The following REEP1 variants were observed in gnomAD, a reference collection of about 807,000 sequenced individuals.
REEP1 encodes receptor expression-enhancing protein 1.
A neutral mutation model predicts 40.3 loss-of-function variants in REEP1; 22 were observed. The ratio of observed to expected loss-of-function variants is 0.55; its 90% CI spans 0.39 to 0.78. The LOEUF (loss-of-function observed/expected upper bound fraction) is 0.78. Ranked by LOEUF, REEP1 falls within the 30% of genes least tolerant of loss-of-function variation. The pLI is 0.00. For synonymous variants in REEP1, 116 were observed against 139.2 expected (o/e 0.83, Z 1.17); for missense variants, 280 against 361.1 (o/e 0.78, Z 1.82).
At chr2:86,328,909 G>A (rs1344618424) in intron 1 of REEP1, among the ~76,000 whole-genome samples, 1 of 152,214 alleles carries the variant, frequency 6.6e-6, no homozygotes, top group Admixed American at 6.5e-5. Context: ...GCCGTCTGCA[G>A]ATGGCTGTTA....
intron 1 of REEP1, among the ~76,000 whole-genome samples, chr2:86,314,487 G>C (rs1679902695): frequency 6.6e-6 from 1 of 151,886 alleles, no homozygotes; most frequent in Non-Finnish European, 1.5e-5. Context: ...GCTGGGGTGA[G>C]CCAGCTAGGA....
intron 1 of REEP1, among the ~76,000 whole-genome samples, chr2:86,325,220 T>C (rs762188306): frequency 6.6e-6 from 1 of 152,156 alleles, no homozygotes; most frequent in Non-Finnish European, 1.5e-5. Flanking sequence ...TGTACTCCAA[T>C]CTGGGCAATA....
chr2:86,227,324 G>C, intron 7 of REEP1, 39 bp downstream of exon 7: 10 of 1,231,918 alleles, frequency 8.1e-6, no homozygotes, highest in Non-Finnish European at 1.0e-5. Flanking sequence ...TTCCGAGTGA[G>C]AGTCCAGCAC....
Position 86,227,498 on chromosome 2 carries a change from G to C in REEP1, c.596-100C>G, listed in dbSNP as rs929856906. The C allele has an allele frequency of 6.1e-5, 59 of 971,544 alleles. 1 individual carries two copies. The highest frequency in any genetic ancestry group is 7.9e-5 in the Non-Finnish European group (59 of 750,006). The allele number at this position is 971,544 out of a possible 1,614,324, so 60.2% of individuals were successfully genotyped here. On this transcript the variant is annotated intron_variant, in intron 6 of 8. Coordinates refer to ENST00000538924, the MANE Select transcript of REEP1 (RefSeq NM_001371279.1). The stretch of plus-strand genomic sequence containing the variant: ...GCCCTGGAGAGGTGTGGGGATCCCA[G>C]TGTGTACAATATAGGGATCCCAGGA...
At chr2:86,316,056 G>C (rs1256662159) in intron 1 of REEP1, among the ~76,000 whole-genome samples, 1 of 152,118 alleles carries the variant, frequency 6.6e-6, no homozygotes, top group East Asian at 1.9e-4. Context: ...TCTGAAACAG[G>C]CACCAACCAA....
rs1673989195 is a variant in REEP1 at position 86,214,229 on chromosome 2, C to T, written c.*2810G>A. 1 of 152,748 alleles carries T rather than the reference C, an allele frequency of 6.5e-6. No homozygotes were observed. Among genetic ancestry groups the T allele is most frequent in the Non-Finnish European group, 1.5e-5 (1 of 68,172 alleles). The allele number at this position is 152,748 out of a possible 1,614,324, so 9.5% of individuals were successfully genotyped here. On this transcript the variant is annotated 3_prime_UTR_variant, in exon 9 of 9. Coordinates refer to ENST00000538924, the MANE Select transcript of REEP1 (RefSeq NM_001371279.1). ...GTGTACACTGTTAGAGGATGAAGCA[C>T]ATCCTTTGCCATTTCAAATACTGTG...
chr2:86,237,482 G>A (rs13428304), intron 5 of REEP1, among the ~76,000 whole-genome samples: 6,327 of 152,162 alleles, frequency 0.042, 457 homozygotes, highest in African/African-American at 0.14. Flanking sequence ...GTGCTAATGC[G>A]TTCCTTTTTA....
chr2:86,232,161 G>A (rs1438610206), intron 6 of REEP1, among the ~76,000 whole-genome samples: 1 of 152,214 alleles, frequency 6.6e-6, no homozygotes, highest in Non-Finnish European at 1.5e-5. Flanking sequence ...AGCAGAGTGA[G>A]AGAGAGGACA....
At chr2:86,266,120 AG>A (rs1348686046) in intron 2 of REEP1, among the ~76,000 whole-genome samples, 1 of 152,214 alleles carries the variant, frequency 6.6e-6, no homozygotes, top group Non-Finnish European at 1.5e-5. Context: ...TTAGCAGACA[AG>A]GGCTTTAAAA....
chr2:86,277,085 C>T (rs1016805311), intron 2 of REEP1, among the ~76,000 whole-genome samples: 3 of 152,078 alleles, frequency 2.0e-5, no homozygotes, highest in Admixed American at 6.5e-5. Flanking sequence ...GGTGGCTTCA[C>T]GATACTCACG....
At chr2:86,337,993 A>G, upstream of REEP1, 2 of 1,530,388 alleles carry the variant, frequency 1.3e-6, no homozygotes, top group Non-Finnish European at 1.8e-6. The surrounding 1 kb of genome is among the most constrained non-coding windows in gnomAD (Gnocchi z 5.8). Flanking sequence ...TCCCTCATTC[A>G]GCTAGTGCGT....
Position 86,264,457 on chromosome 2 carries a change from A to T in REEP1, c.106-416T>A, listed in dbSNP as rs572604368. On this transcript the variant is annotated intron_variant, in intron 2 of 8. Coordinates refer to ENST00000538924, the MANE Select transcript of REEP1 (RefSeq NM_001371279.1). ...ATCTAGGAATTCTGATCTTCCTTTT[A>T]TCTCTCCCATGTGACCATCCTTTTC... Among the ~76,000 whole-genome samples, 33 of 145,038 alleles carry T rather than the reference A, an allele frequency of 2.3e-4. No homozygotes were observed. In the South Asian group the frequency reaches 3.8e-3, roughly 17 times the overall value.
chr2:86,328,109 C>G (rs1420965807), intron 1 of REEP1, among the ~76,000 whole-genome samples: 2 of 152,166 alleles, frequency 1.3e-5, no homozygotes, highest in African/African-American at 4.8e-5. Context: ...GATCCTGCAA[C>G]TCCCTCAGGA....
chr2:86,300,575 G>C (rs1186606332), intron 1 of REEP1, among the ~76,000 whole-genome samples: 1 of 152,200 alleles, frequency 6.6e-6, no homozygotes, highest in Non-Finnish European at 1.5e-5. Context: ...CACACAGAGA[G>C]AGTCGAGCAG....
chr2:86,320,358 C>T (rs1680222388), intron 1 of REEP1, among the ~76,000 whole-genome samples: 2 of 152,278 alleles, frequency 1.3e-5, no homozygotes, highest in South Asian at 2.1e-4. Context: ...TCCCTAGACA[C>T]CTAACCGAAG....
intron 8 of REEP1, 40 bp downstream of exon 8, chr2:86,219,930 G>T: frequency 8.1e-7 from 1 of 1,231,360 alleles, no homozygotes; most frequent in Non-Finnish European, 1.0e-6. Context: ...ATAGCCTTTG[G>T]ACAAACACAC....
chr2:86,307,538 G>A (rs991385070), intron 1 of REEP1, among the ~76,000 whole-genome samples: 5 of 152,190 alleles, frequency 3.3e-5, no homozygotes, highest in Non-Finnish European at 7.3e-5. Context: ...CAAGACAGGA[G>A]GATCACTTGA....
chr2:86,239,669 C>T (rs1675567659), intron 5 of REEP1, among the ~76,000 whole-genome samples: 1 of 152,166 alleles, frequency 6.6e-6, no homozygotes, highest in Non-Finnish European at 1.5e-5. Context: ...GTCTGTGACA[C>T]AAAATGGGAT....
intron 2 of REEP1, among the ~76,000 whole-genome samples, chr2:86,268,558 A>G (rs181666823): frequency 6.6e-6 from 1 of 152,318 alleles, no homozygotes; most frequent in East Asian, 1.9e-4. Flanking sequence ...GCTCTTCCCA[A>G]CTTGATCTAT....
Sources: allele counts gnomAD v4.1 joint callset (sites outside exome capture counted in the v4.1 genomes callset), GRCh38; gene constraint gnomAD v4.1.1; non-coding constraint Gnocchi (gnomAD v3.1); transcripts MANE v1.5; gene names NCBI Gene and HGNC (gene_info 2026-07-23, HGNC 2026-07-21).